Variants in VPS13B observed in about 807,000 individuals in gnomAD.
The protein encoded by VPS13B is intermembrane lipid transfer protein VPS13B.
Under a neutral mutation model 426.4 loss-of-function variants are expected in VPS13B, and 285 were observed. That is an observed-to-expected ratio of 0.67 (90% CI 0.61 to 0.74). The LOEUF is 0.74. Ranked by LOEUF, VPS13B falls within the 30% of genes least tolerant of loss-of-function variation. The probability of loss-of-function intolerance (pLI) is 0.00; values close to 1 mark genes in which losing one functional copy is unlikely to be tolerated. For missense variants in VPS13B, 4,537 were observed against 4,782.6 expected (o/e 0.95, Z 1.51); for synonymous variants, 1,676 against 1,676.4 (o/e 1.00, Z 0.01).
In VPS13B at chr8:99,545,304, A is replaced by G. The variant is rs187413673; in HGVS notation, c.4746-11146A>G. On this transcript the variant is annotated intron_variant, in intron 30 of 61. Coordinates refer to ENST00000357162, the MANE Select transcript of VPS13B (RefSeq NM_152564.5). ...TCTTCAACATTCTCCTTGTACGCAC[A>G]TGTAATAGTTTTTCTAGGGCAGTGC... Among the ~76,000 whole-genome samples the G allele has an allele frequency of 2.6e-5, 4 of 152,226 alleles. No homozygotes were observed. In the East Asian group the frequency reaches 5.8e-4, roughly 22 times the overall value.
intron 25 of VPS13B, among the ~76,000 whole-genome samples, chr8:99,489,497 A>T (rs1820484526): frequency 6.6e-6 from 1 of 152,050 alleles, no homozygotes; most frequent in Non-Finnish European, 1.5e-5. Context: ...CTTGGGCAGT[A>T]TGGCCATTTT....
intron 2 of VPS13B, among the ~76,000 whole-genome samples, chr8:99,024,276 G>A (rs567295614): frequency 1.3e-5 from 2 of 152,360 alleles, no homozygotes; most frequent in African/African-American, 4.8e-5. Flanking sequence ...GTGAGAGCGT[G>A]TTTGTGTGTG....
chr8:99,141,373 T>C (rs1184656706), intron 12 of VPS13B, among the ~76,000 whole-genome samples: 4 of 152,204 alleles, frequency 2.6e-5, no homozygotes, highest in South Asian at 4.1e-4. Flanking sequence ...AGTCTTGTTA[T>C]ACAGTGACAT....
At chr8:99,692,592 G>C (rs1447317210) in intron 35 of VPS13B, among the ~76,000 whole-genome samples, 7 of 137,890 alleles carry the variant, frequency 5.1e-5, no homozygotes, top group Admixed American at 3.7e-4. Flanking sequence ...GAGAAAGCAG[G>C]AAAGATCCAA....
At chr8:99,134,585 C>T (rs1809973415) in intron 8 of VPS13B, 47 bp from the exon 9 acceptor site, 2 of 1,393,992 alleles carry the variant, frequency 1.4e-6, no homozygotes, top group Non-Finnish European at 2.0e-6. Flanking sequence ...CAATTTATTG[C>T]TCTTTAATAC....
intron 57 of VPS13B, among the ~76,000 whole-genome samples, chr8:99,859,881 T>G (rs6468698): frequency 0.036 from 5,469 of 152,320 alleles, 322 homozygotes; most frequent in African/African-American, 0.12. Context: ...CTTAAGGATA[T>G]GGATACATTC....
intron 2 of VPS13B, among the ~76,000 whole-genome samples, chr8:99,019,767 C>G (rs1159402158): frequency 6.6e-6 from 1 of 152,168 alleles, no homozygotes; most frequent in African/African-American, 2.4e-5. Context: ...GCATATTTCA[C>G]TTAGCACAAT....
rs765774825 is a variant in VPS13B at position 99,135,136 on chromosome 8, C to T, written c.1424C>T (p.Thr475Ile). 1.2e-6 allele frequency: 2 copies of T among 1,613,172 alleles called. No individual in the cohort carries two copies. The highest frequency in any genetic ancestry group is 1.1e-5 in the South Asian group (1 of 91,048). ...DFEENMNRSETEACFFICGDN... is the reference protein window; with the variant it reads ...DFEENMNRSEIEACFFICGDN... ...GAAGAGAATATGAATAGAAGTGAAA[C>T]TGTAAGTCCGTTTCCTCCATCCTTT... The change falls in exon 10 of 62, where the codon ACT (threonine) becomes ATT (isoleucine). Residue 475 changes from threonine to isoleucine, a missense_variant and splice_region_variant. Physicochemically the swap from Thr to Ile is moderately conservative, Grantham distance 89. Coordinates refer to ENST00000357162, the MANE Select transcript of VPS13B (RefSeq NM_152564.5).
intron 16 of VPS13B, among the ~76,000 whole-genome samples, chr8:99,188,053 A>ATTTTTTTT (rs60360700): frequency 3.5e-5 from 4 of 112,756 alleles, no homozygotes; most frequent in Non-Finnish European, 3.5e-5. Flanking sequence ...TTGTTTGGAC[A>ATTTTTTTT]TTTTTTTTTT....
At chr8:99,866,431 A>G (rs530691727) in intron 58 of VPS13B, among the ~76,000 whole-genome samples, 2 of 152,282 alleles carry the variant, frequency 1.3e-5, no homozygotes, top group South Asian at 4.1e-4. Context: ...TTTCCCCCTC[A>G]AAGGTCTGCT....
At chr8:99,082,655 G>A (rs887338294) in intron 3 of VPS13B, among the ~76,000 whole-genome samples, 1 of 152,166 alleles carries the variant, frequency 6.6e-6, no homozygotes, top group Non-Finnish European at 1.5e-5. Flanking sequence ...GTAAGGAAGG[G>A]ATCCAGTTTC....
chr8:99,776,785 G>T lies in VPS13B; in HGVS notation c.7258G>T (p.Glu2420Ter). ...ACTTCTTTCCCATAGCTCTGCAAGT[G>T]AGTCTGGTTCTCAAAGCACTTGTGA... ...NGADDQSSAS[E>*]SGSQSTCDPL... is the part of the protein sequence containing the mutation. Residue 2420 changes from glutamate (E) to a stop codon, truncating the protein, a stop_gained, in exon 41 of 62, where the codon GAG becomes TAG. Coordinates refer to ENST00000357162, the MANE Select transcript of VPS13B (RefSeq NM_152564.5). LOFTEE classifies it high-confidence loss of function. 1 of 1,613,976 alleles carries T rather than the reference G, an allele frequency of 6.2e-7. No individual in the cohort carries two copies. The highest frequency in any genetic ancestry group is 8.5e-7 in the Non-Finnish European group (1 of 1,179,926).
chr8:99,131,509 A>G (rs1809800876), intron 8 of VPS13B, among the ~76,000 whole-genome samples: 1 of 152,256 alleles, frequency 6.6e-6, no homozygotes, highest in Non-Finnish European at 1.5e-5. Flanking sequence ...TACCACCACA[A>G]TAAAGCGAAT....
At chr8:99,280,332 A>G (rs1374558620) in intron 19 of VPS13B, among the ~76,000 whole-genome samples, 1 of 151,842 alleles carries the variant, frequency 6.6e-6, no homozygotes, top group Non-Finnish European at 1.5e-5. Flanking sequence ...ACTCCCTCCC[A>G]AGCCACTCAA....
At chr8:99,827,245 G>A (rs183876444) in intron 51 of VPS13B, among the ~76,000 whole-genome samples, 1 of 152,224 alleles carries the variant, frequency 6.6e-6, no homozygotes, top group African/African-American at 2.4e-5. Flanking sequence ...CTCTATTTCA[G>A]AACTTGTTTT....
At chr8:99,758,722 T>C (rs2130579779) in intron 39 of VPS13B, among the ~76,000 whole-genome samples, 1 of 152,236 alleles carries the variant, frequency 6.6e-6, no homozygotes, top group African/African-American at 2.4e-5. Context: ...TACCTACTCT[T>C]ACCAACCTCC....
At chr8:99,217,002 T>G (rs1815427052) in intron 17 of VPS13B, among the ~76,000 whole-genome samples, 1 of 152,160 alleles carries the variant, frequency 6.6e-6, no homozygotes, top group South Asian at 2.1e-4. Flanking sequence ...AATGGCACAT[T>G]AGCTTTTCTT....
intron 35 of VPS13B, among the ~76,000 whole-genome samples, chr8:99,688,202 A>G (rs1249909353): frequency 1.3e-5 from 2 of 151,224 alleles, no homozygotes; most frequent in Non-Finnish European, 2.9e-5. Flanking sequence ...GAGGCAATAA[A>G]GAGTTTTAAA....
At chr8:99,323,595 C>G (rs1010124537) in intron 19 of VPS13B, among the ~76,000 whole-genome samples, 2 of 152,118 alleles carry the variant, frequency 1.3e-5, no homozygotes, top group Non-Finnish European at 2.9e-5. Context: ...TTATATCATG[C>G]CATCTCAAAT....
Sources: gnomAD v4.1 joint callset for allele counts (sites outside exome capture counted in the v4.1 genomes callset) on GRCh38, gnomAD v4.1.1 for gene constraint, MANE v1.5 for transcripts, NCBI Gene and HGNC (gene_info 2026-07-23, HGNC 2026-07-21) for gene names.